MED12L: variants seen among roughly 807,000 people sequenced by gnomAD.
MED12L encodes mediator of RNA polymerase II transcription subunit 12-like protein.
Under a neutral mutation model 281.3 loss-of-function variants are expected in MED12L, and 60 were observed. That is an observed-to-expected ratio of 0.21 (90% confidence interval 0.17 to 0.26). MED12L has a LOEUF of 0.26. Ranked by LOEUF, MED12L falls within the 10% of genes least tolerant of loss-of-function variation. The probability of loss-of-function intolerance (pLI) is 1.00; values close to 1 mark genes in which losing one functional copy is unlikely to be tolerated. For synonymous variants in MED12L, 974 were observed against 987.2 expected (o/e 0.99, Z 0.25); for missense variants, 2,146 against 2,680.9 (o/e 0.80, Z 4.41).
intron 16 of MED12L, among the ~76,000 whole-genome samples, chr3:151,290,546 T>C (rs959965312): frequency 2.6e-5 from 4 of 152,184 alleles, no homozygotes; most frequent in East Asian, 3.8e-4. Context: ...CTATAAATTA[T>C]ACATTTTTAA....
rs11382065 is a variant in MED12L, at chr3:151,348,340, CAAAAAAAAAAA to C, written c.2251-1706_2251-1696del. On this transcript the variant is annotated intron_variant, in intron 16 of 44. Coordinates refer to ENST00000687756, the MANE Select transcript of MED12L (RefSeq NM_001393769.1). The stretch of plus-strand genomic sequence containing the variant: ...TTCATATGTACACAAACCACCAGAC[CAAAAAAAAAAA>C]AAAAAAAAAAAAGAAAAAAGAAATA... Among the ~76,000 whole-genome samples the C allele has an allele frequency of 6.2e-3, 547 of 87,846 alleles. 6 individuals carry two copies. Among genetic ancestry groups the C allele is most frequent in the African/African-American group, 0.023 (526 of 22,470 alleles). 57.6% of individuals were successfully genotyped at this position (87,846 alleles called of 152,430 possible).
chr3:151,134,029 G>A (rs1215526288), intron 5 of MED12L, among the ~76,000 whole-genome samples: 2 of 152,080 alleles, frequency 1.3e-5, no homozygotes, highest in Non-Finnish European at 2.9e-5. Context: ...AGCATTTCTT[G>A]AGCACTTATG....
At chr3:151,169,702 A>T (rs1016874008) in intron 11 of MED12L, among the ~76,000 whole-genome samples, 1 of 152,240 alleles carries the variant, frequency 6.6e-6, no homozygotes, top group African/African-American at 2.4e-5. Flanking sequence ...TAATGTGATG[A>T]TGCTGTTCTC....
At chr3:151,404,484 G>A (rs1392423559) in intron 39 of MED12L, among the ~76,000 whole-genome samples, 2 of 152,194 alleles carry the variant, frequency 1.3e-5, no homozygotes, top group Non-Finnish European at 2.9e-5. Flanking sequence ...TCTGTTGTCT[G>A]CAGTTGAAAT....
chr3:151,209,946 G>A (rs1726895484), intron 16 of MED12L, among the ~76,000 whole-genome samples: 1 of 152,222 alleles, frequency 6.6e-6, no homozygotes, highest in Admixed American at 6.5e-5. Context: ...CTTATTGGCT[G>A]TGGGTATGTT....
At position 151,092,422 on chromosome 3, in the gene MED12L, G is replaced by A. The variant is rs908542077; in HGVS notation, c.99+5397G>A. On this transcript the variant is annotated intron_variant, in intron 2 of 44. Transcript: ENST00000687756. Reference sequence around the variant, plus strand: ...GTCTGTGGTGTTCACATCTGTGAACGGCCTAGTGCCTGGGAGTAGACTAGG... The same window carrying A: ...GTCTGTGGTGTTCACATCTGTGAACAGCCTAGTGCCTGGGAGTAGACTAGG... Among the ~76,000 whole-genome samples, 7 of 152,228 alleles carry A rather than the reference G, an allele frequency of 4.6e-5. No individual in the cohort carries two copies. The East Asian group carries it at 1.3e-3, about 29-fold the overall frequency.
At chr3:151,148,450 T>G (rs1015825319) in intron 5 of MED12L, among the ~76,000 whole-genome samples, 8 of 152,258 alleles carry the variant, frequency 5.3e-5, no homozygotes, top group South Asian at 2.1e-4. Flanking sequence ...TTTTTGATTT[T>G]GCATTTTTTC....
At chr3:151,275,208 A>AT (rs1741644897) in intron 16 of MED12L, among the ~76,000 whole-genome samples, 1 of 152,214 alleles carries the variant, frequency 6.6e-6, no homozygotes, top group Admixed American at 6.5e-5. Flanking sequence ...CGAGGATCAG[A>AT]TTTTTTTCCC....
At chr3:151,199,542 A>G (rs2149139707) in intron 16 of MED12L, 1 of 640,698 alleles carries the variant, frequency 1.6e-6, no homozygotes, top group Admixed American at 3.0e-5. Flanking sequence ...CAGTTCTTAG[A>G]ATTTTATTGG....
At chr3:151,206,946 G>A (rs1726462687) in intron 16 of MED12L, among the ~76,000 whole-genome samples, 1 of 151,784 alleles carries the variant, frequency 6.6e-6, no homozygotes, top group African/African-American at 2.4e-5. Context: ...GCCCGGCCAT[G>A]ACTAACACAT....
chr3:151,302,057 T>G (rs766659055), intron 16 of MED12L, among the ~76,000 whole-genome samples: 2 of 152,202 alleles, frequency 1.3e-5, no homozygotes, highest in Non-Finnish European at 2.9e-5. Flanking sequence ...GATGGAATAT[T>G]ACTCAATAAA....
intron 17 of MED12L, among the ~76,000 whole-genome samples, chr3:151,354,714 A>G (rs1165343130): frequency 1.3e-5 from 2 of 152,252 alleles, no homozygotes; most frequent in African/African-American, 4.8e-5. Flanking sequence ...GGAATACTGT[A>G]AATAAGTGAG....
intron 5 of MED12L, among the ~76,000 whole-genome samples, chr3:151,131,442 C>G (rs532688367): frequency 7.2e-5 from 11 of 152,182 alleles, no homozygotes; most frequent in Admixed American, 4.6e-4. Context: ...CTCTCCAACC[C>G]TCCCCACCAA....
intron 16 of MED12L, chr3:151,219,722 C>T (rs1214609762): frequency 6.6e-6 from 1 of 152,114 alleles, no homozygotes; most frequent in East Asian, 1.9e-4. Flanking sequence ...GTACTTACTT[C>T]TTAAATTCAG....
At chr3:151,276,242 T>C (rs1388696610) in intron 16 of MED12L, among the ~76,000 whole-genome samples, 1 of 152,206 alleles carries the variant, frequency 6.6e-6, no homozygotes, top group Non-Finnish European at 1.5e-5. Context: ...TTCTGTAGGT[T>C]TGGGGTCAAT....
At chr3:151,101,255 A>G (rs1167880138) in intron 2 of MED12L, among the ~76,000 whole-genome samples, 1 of 152,210 alleles carries the variant, frequency 6.6e-6, no homozygotes, top group Admixed American at 6.5e-5. Context: ...AGAGTGTACA[A>G]AGTGCCACAT....
chr3:151,181,639 G>A (rs1457182461), intron 11 of MED12L, among the ~76,000 whole-genome samples: 1 of 140,682 alleles, frequency 7.1e-6, no homozygotes, highest in Non-Finnish European at 1.5e-5. Flanking sequence ...AGGCTGGAGT[G>A]CAGAGGCATC....
intron 16 of MED12L, among the ~76,000 whole-genome samples, chr3:151,332,002 G>T (rs1047681112): frequency 1.3e-5 from 2 of 152,214 alleles, no homozygotes; most frequent in Non-Finnish European, 2.9e-5. Context: ...AAATTCTGGA[G>T]TTCTTGAGCT....
At chr3:151,134,692 T>C (rs2059260127) in intron 5 of MED12L, among the ~76,000 whole-genome samples, 1 of 152,190 alleles carries the variant, frequency 6.6e-6, no homozygotes, top group South Asian at 2.1e-4. Context: ...GTGTATACTT[T>C]TGCAAGAAGA....
Sources: gnomAD v4.1 joint callset for allele counts (sites outside exome capture counted in the v4.1 genomes callset) on GRCh38, gnomAD v4.1.1 for gene constraint, MANE v1.5 for transcripts, NCBI Gene and HGNC (gene_info 2026-07-23, HGNC 2026-07-21) for gene names.